Variants in WDR17 observed in about 807,000 individuals in gnomAD.
The protein encoded by WDR17 is WD repeat-containing protein 17.
Under a neutral mutation model 161.7 loss-of-function variants are expected in WDR17, and 143 were observed. The observed-to-expected ratio is 0.88, with a 90% CI of 0.77 to 1.02. WDR17 has a LOEUF of 1.02. Ranked by LOEUF, WDR17 falls within the 50% of genes least tolerant of loss-of-function variation. WDR17 has a pLI of 0.00. For missense variants in WDR17, 1,469 were observed against 1,520.9 expected (o/e 0.97, Z 0.57); for synonymous variants, 517 against 515.6 (o/e 1.00, Z -0.04).
At chr4:176,118,443 A>G (rs1353616843) in intron 3 of WDR17, among the ~76,000 whole-genome samples, 2 of 152,084 alleles carry the variant, frequency 1.3e-5, no homozygotes, top group South Asian at 2.1e-4. Flanking sequence ...GGCGTTTTTC[A>G]TGTATACATT....
At chr4:176,163,066 T>C in intron 21 of WDR17, 88 bp from the exon 22 acceptor site, 1 of 1,489,142 alleles carries the variant, frequency 6.7e-7, no homozygotes, top group Non-Finnish European at 9.4e-7. Context: ...AGGTTAATAC[T>C]GCTTTATCTG....
intron 20 of WDR17, 94 bp downstream of exon 20, chr4:176,161,096 C>G (rs1748973492): frequency 1.0e-6 from 1 of 967,750 alleles, no homozygotes; most frequent in African/African-American, 1.6e-5. Context: ...TCTTTGTATA[C>G]TGATGACTTG....
intron 9 of WDR17, among the ~76,000 whole-genome samples, chr4:176,138,997 C>T (rs1744839991): frequency 1.3e-5 from 2 of 151,762 alleles, no homozygotes; most frequent in Non-Finnish European, 3.0e-5. Context: ...GGCCTCCACC[C>T]TATAAACTGA....
chr4:176,093,623 G>T (rs949912084), intron 1 of WDR17, among the ~76,000 whole-genome samples: 1 of 152,012 alleles, frequency 6.6e-6, no homozygotes, highest in Non-Finnish European at 1.5e-5. Flanking sequence ...TAGATTCATG[G>T]ACATAGATAC....
intron 1 of WDR17, chr4:176,096,650 G>T: frequency 7.7e-7 from 1 of 1,299,068 alleles, no homozygotes; most frequent in Non-Finnish European, 1.1e-6. Flanking sequence ...TTCTCATATA[G>T]TTTTATATCT....
rs540395146 is a variant in WDR17, at chr4:176,163,391, T to C, written c.2990+98T>C. On this transcript the variant is annotated intron_variant, in intron 22 of 28. Coordinates refer to ENST00000508596, the MANE Select transcript of WDR17 (RefSeq NM_181265.4). ...TGATAAGATATGCATTGGGAGAATA[T>C]AGGATCACCTTGTTTATAAAGGATA... The C allele has an allele frequency of 1.6e-3, 2,031 of 1,289,238 alleles. 4 individuals are homozygous for C. The highest frequency in any genetic ancestry group is 1.9e-3 in the Non-Finnish European group (1,821 of 945,338). The allele number at this position is 1,289,238 out of a possible 1,614,324, so 79.9% of individuals were successfully genotyped here. A position where few individuals can be genotyped will look rare whatever the true frequency, so the allele number is the denominator to read the frequency against.
At chr4:176,068,669 CT>C (rs1193498517) in intron 1 of WDR17, among the ~76,000 whole-genome samples, 1 of 152,096 alleles carries the variant, frequency 6.6e-6, no homozygotes, top group Non-Finnish European at 1.5e-5. Flanking sequence ...ATTCATGCTC[CT>C]TTTCTTTTGT....
rs1732457084 is a variant in WDR17 at position 176,065,906 on chromosome 4, C to G, written c.-180C>G. On this transcript the variant is annotated 5_prime_UTR_variant, in exon 1 of 29. Coordinates refer to ENST00000508596, the MANE Select transcript of WDR17 (RefSeq NM_181265.4). ...TGGCTCCGCGCTGGGGCTTGCGGAG[C>G]ACGCTTCCCGCCCCTCGGAGCCCGC... 6.6e-6 allele frequency: 1 copy of G among 152,114 alleles called. No individual in the cohort carries two copies. Among genetic ancestry groups the G allele is most frequent in the Non-Finnish European group, 1.5e-5 (1 of 68,044 alleles). The allele number at this position is 152,114 out of a possible 1,614,324, so 9.4% of individuals were successfully genotyped here.
At chr4:176,079,295 A>C (rs549784454) in intron 1 of WDR17, among the ~76,000 whole-genome samples, 1 of 152,162 alleles carries the variant, frequency 6.6e-6, no homozygotes, top group South Asian at 2.1e-4. Context: ...GTTTGATCCT[A>C]CATTTTGGCT....
At chr4:176,116,620 G>C (rs1199416827) in intron 3 of WDR17, among the ~76,000 whole-genome samples, 2 of 151,738 alleles carry the variant, frequency 1.3e-5, no homozygotes, top group Non-Finnish European at 3.0e-5. Context: ...TTATGGTTTT[G>C]AAAGCTACTG....
Position 176,149,839 on chromosome 4 carries a change from A to C in WDR17, c.1930A>C (p.Met644Leu). Residue 644 changes from methionine (M) to leucine (L), a missense_variant, in exon 14 of 29, where the codon ATG becomes CTG. Met to Leu is a conservative substitution (Grantham distance 15, BLOSUM62 2). Coordinates refer to ENST00000508596, the MANE Select transcript of WDR17 (RefSeq NM_181265.4). ...LTCHPSRPFTMASCSRDSTVR... is the reference protein window; with the variant it reads ...LTCHPSRPFTLASCSRDSTVR... ...CTGCCATCCCAGTCGCCCCTTCACTATGGCCTCTTGCTCCCGTGACTCTAC... is the reference window on the plus strand; with the variant it reads ...CTGCCATCCCAGTCGCCCCTTCACTCTGGCCTCTTGCTCCCGTGACTCTAC... 6.2e-7 allele frequency: 1 copy of C among 1,614,006 alleles called. No individual in the cohort carries two copies. Among genetic ancestry groups the C allele is most frequent in the Non-Finnish European group, 8.5e-7 (1 of 1,179,992 alleles).
chr4:176,155,542 T>G (rs950281084), intron 17 of WDR17, among the ~76,000 whole-genome samples: 156 of 140,020 alleles, frequency 1.1e-3, no homozygotes, highest in African/African-American at 4.2e-3. Flanking sequence ...TTTATTTGTT[T>G]GTGTTTTTTT....
At chr4:176,163,940 A>G (rs1197470740) in intron 22 of WDR17, among the ~76,000 whole-genome samples, 1 of 152,154 alleles carries the variant, frequency 6.6e-6, no homozygotes, top group Admixed American at 6.5e-5. Flanking sequence ...TTAGATTTTT[A>G]TCTTTTCTTT....
intron 1 of WDR17, among the ~76,000 whole-genome samples, chr4:176,097,305 C>G (rs1009644345): frequency 6.6e-6 from 1 of 151,876 alleles, no homozygotes; most frequent in Non-Finnish European, 1.5e-5. Context: ...AAAAACCAGA[C>G]TATGTGCAGT....
In WDR17 at chr4:176,150,482, T is replaced by A; in HGVS notation, c.2193T>A (p.Ser731Arg). ...CAACTCTTTAGCCTCCAGGTGGCAG[T>A]GACAATTTATGGAACTTGGTTGCTG... ...FSECLSPPGG[S>R]DNLWNLVAVI... Residue 731 changes from serine to arginine, a missense_variant, in exon 16 of 29, where the codon AGT (serine) becomes AGA (arginine). Transcript: ENST00000508596. 1 of 1,608,224 alleles carries A rather than the reference T, an allele frequency of 6.2e-7. No individual in the cohort carries two copies. Among genetic ancestry groups the A allele is most frequent in the Non-Finnish European group, 8.5e-7 (1 of 1,178,426 alleles).
intron 10 of WDR17, 112 bp downstream of exon 10, chr4:176,140,086 C>CA (rs1745017474): frequency 1.2e-6 from 1 of 806,752 alleles, no homozygotes; most frequent in Admixed American, 2.8e-5. Flanking sequence ...TACCAACTCT[C>CA]AGAGGCGTTA....
intron 1 of WDR17, among the ~76,000 whole-genome samples, chr4:176,075,003 T>C (rs886965879): frequency 6.6e-6 from 1 of 151,866 alleles, no homozygotes; most frequent in Admixed American, 6.6e-5. Flanking sequence ...TCCTTTTAGT[T>C]TTTAATGTGT....
chr4:176,133,790 CTTA>C (rs1387831872), intron 7 of WDR17, among the ~76,000 whole-genome samples: 2 of 151,338 alleles, frequency 1.3e-5, no homozygotes, highest in African/African-American at 2.4e-5. Flanking sequence ...TTTTAAAAAT[CTTA>C]TTAATAAACA....
intron 5 of WDR17, 24 bp from the exon 6 acceptor site, chr4:176,128,714 G>A (rs772505235): frequency 5.0e-6 from 8 of 1,584,742 alleles, no homozygotes; most frequent in African/African-American, 2.8e-5. Flanking sequence ...TTGTTAAAAT[G>A]TGCTTTTTCC....
Sources: allele counts gnomAD v4.1 joint callset (sites outside exome capture counted in the v4.1 genomes callset), GRCh38; gene constraint gnomAD v4.1.1; transcripts MANE v1.5; gene names NCBI Gene and HGNC (gene_info 2026-07-23, HGNC 2026-07-21).